The following SDK1 variants were observed in gnomAD, a reference collection of about 807,000 sequenced individuals.
SDK1 encodes the protein protein sidekick-1.
In SDK1, 157 loss-of-function variants were observed where a neutral mutation model predicts 245.5. The observed-to-expected ratio is 0.64, with a 90% CI of 0.56 to 0.73. The LOEUF is 0.73. SDK1 is among the 30% of genes least tolerant of loss of function. The pLI, the probability that SDK1 is intolerant of heterozygous loss-of-function variation, is 0.00. For synonymous variants in SDK1, 1,647 were observed against 1,278.5 expected (o/e 1.29, Z -6.15); for missense variants, 3,583 against 3,002.3 (o/e 1.19, Z -4.52).
intron 22 of SDK1, among the ~76,000 whole-genome samples, chr7:4,107,319 C>G (rs910229601): frequency 2.0e-5 from 3 of 152,128 alleles, no homozygotes; most frequent in African/African-American, 7.2e-5. Flanking sequence ...ACCCGGAAGG[C>G]AGGAGGCTGC....
At chr7:3,969,538 G>A (rs1488489228) in intron 11 of SDK1, 114 bp downstream of exon 11, 1 of 708,944 alleles carries the variant, frequency 1.4e-6, no homozygotes, top group Non-Finnish European at 2.1e-6. Flanking sequence ...AATCAAAAGA[G>A]AATGATTATT....
At chr7:3,818,125 A>T (rs1278283505) in intron 4 of SDK1, among the ~76,000 whole-genome samples, 1 of 152,244 alleles carries the variant, frequency 6.6e-6, no homozygotes, top group Non-Finnish European at 1.5e-5. Flanking sequence ...TTGGGAGTTA[A>T]AATGATGAGG....
intron 1 of SDK1, among the ~76,000 whole-genome samples, chr7:3,583,346 G>T (rs944162987): frequency 1.3e-5 from 2 of 152,124 alleles, no homozygotes; most frequent in Admixed American, 6.5e-5. Flanking sequence ...TCCTCTTCCG[G>T]TGCCAAATTG....
At chr7:3,807,717 A>G (rs1779286319) in intron 4 of SDK1, among the ~76,000 whole-genome samples, 1 of 152,170 alleles carries the variant, frequency 6.6e-6, no homozygotes, top group African/African-American at 2.4e-5. Flanking sequence ...AGAGACAACC[A>G]TTAAAGGACT....
chr7:3,444,635 G>T (rs1780293463), intron 1 of SDK1, among the ~76,000 whole-genome samples: 1 of 152,052 alleles, frequency 6.6e-6, no homozygotes, highest in Admixed American at 6.6e-5. Flanking sequence ...CCACCTCTCT[G>T]TCCCCTCTCT....
intron 2 of SDK1, among the ~76,000 whole-genome samples, chr7:3,622,630 C>G (rs1278222747): frequency 1.3e-5 from 2 of 152,188 alleles, no homozygotes; most frequent in African/African-American, 4.8e-5. Context: ...TCTTTGTATT[C>G]TTAAGAGCCC....
chr7:3,925,027 A>T (rs1779719314), intron 5 of SDK1, among the ~76,000 whole-genome samples: 1 of 152,126 alleles, frequency 6.6e-6, no homozygotes, highest in African/African-American at 2.4e-5. Flanking sequence ...GATTCTTGAC[A>T]ACTGATTTGT....
intron 40 of SDK1, among the ~76,000 whole-genome samples, chr7:4,231,044 G>A (rs572838271): frequency 7.2e-5 from 11 of 152,182 alleles, no homozygotes; most frequent in Admixed American, 6.5e-4. Flanking sequence ...GTCCAGAGGA[G>A]GCCTGAACAG....
chr7:4,243,052 G>A (rs1417052614), intron 43 of SDK1, among the ~76,000 whole-genome samples: 1 of 152,220 alleles, frequency 6.6e-6, no homozygotes, highest in African/African-American at 2.4e-5. Context: ...TGGGAGGCAA[G>A]TTTTTCCTGC....
chr7:3,923,885 G>T (rs902355810), intron 5 of SDK1, among the ~76,000 whole-genome samples: 1 of 152,162 alleles, frequency 6.6e-6, no homozygotes, highest in East Asian at 1.9e-4. Context: ...TGTCTTTTGC[G>T]GGTGGGGAAT....
At chr7:4,152,682 A>G (rs983948910) in intron 30 of SDK1, among the ~76,000 whole-genome samples, 1 of 152,238 alleles carries the variant, frequency 6.6e-6, no homozygotes, top group African/African-American at 2.4e-5. Context: ...AGAACATGTC[A>G]CAGGAGAATC....
At chr7:3,370,704 C>T (rs1781206262) in intron 1 of SDK1, among the ~76,000 whole-genome samples, 1 of 152,178 alleles carries the variant, frequency 6.6e-6, no homozygotes, top group South Asian at 2.1e-4. Context: ...TGGTCTTGGA[C>T]TATATAGCAC....
intron 1 of SDK1, among the ~76,000 whole-genome samples, chr7:3,510,464 G>A (rs1308304320): frequency 3.3e-5 from 5 of 152,120 alleles, no homozygotes; most frequent in Admixed American, 6.5e-5. Context: ...GACGTGAGGC[G>A]GATTAATAGG....
At chr7:4,124,218 G>C (rs148118802) in intron 25 of SDK1, among the ~76,000 whole-genome samples, 2 of 152,332 alleles carry the variant, frequency 1.3e-5, no homozygotes, top group South Asian at 4.1e-4. Flanking sequence ...GACTGTGTTC[G>C]TGTCATAGCA....
chr7:4,185,516 G>A (rs911294863), intron 35 of SDK1, among the ~76,000 whole-genome samples: 5 of 152,252 alleles, frequency 3.3e-5, no homozygotes, highest in African/African-American at 1.2e-4. Context: ...ATACCAAGCT[G>A]TTTCCGCCTG....
intron 1 of SDK1, among the ~76,000 whole-genome samples, chr7:3,571,090 T>G (rs979501065): frequency 6.6e-6 from 1 of 152,076 alleles, no homozygotes; most frequent in Non-Finnish European, 1.5e-5. Context: ...ATTTTTAAAA[T>G]TTGACTTTAG....
intron 1 of SDK1, among the ~76,000 whole-genome samples, chr7:3,598,777 C>G (rs543775861): frequency 3.3e-5 from 5 of 152,316 alleles, no homozygotes; most frequent in Non-Finnish European, 4.4e-5. Flanking sequence ...ATGGAGGTTA[C>G]TGCAGGTATC....
At chr7:3,979,116 A>G (rs1015826614) in intron 13 of SDK1, among the ~76,000 whole-genome samples, 1 of 152,162 alleles carries the variant, frequency 6.6e-6, no homozygotes, top group African/African-American at 2.4e-5. Context: ...GGCCCTGCTC[A>G]CCTTTCACTA....
intron 1 of SDK1, among the ~76,000 whole-genome samples, chr7:3,312,578 T>A (rs190118428): frequency 0.025 from 3,346 of 131,854 alleles, 110 homozygotes; most frequent in African/African-American, 0.078. Flanking sequence ...TGTTTTTTTT[T>A]AAAAAAAATA....
Sources: allele counts gnomAD v4.1 joint callset (sites outside exome capture counted in the v4.1 genomes callset), GRCh38; gene constraint gnomAD v4.1.1; transcripts MANE v1.5; gene names NCBI Gene and HGNC (gene_info 2026-07-23, HGNC 2026-07-21).